The following FGF10 variants were observed in gnomAD, a reference collection of about 807,000 sequenced individuals.
FGF10 encodes FGF-10.
In FGF10, 2 loss-of-function variants were observed where a neutral mutation model predicts 19.8. The observed-to-expected ratio is 0.10, with a 90% confidence interval of 0.04 to 0.32. FGF10 has a LOEUF of 0.32. Among genes scored for constraint, FGF10 ranks in the 10% least tolerant of loss-of-function variants. The pLI, the probability that FGF10 is intolerant of heterozygous loss-of-function variation, is 1.00. For missense variants in FGF10, 191 were observed against 246.3 expected (o/e 0.78, Z 1.50); for synonymous variants, 112 against 94.0 (o/e 1.19, Z -1.10).
chr5:44,362,747 A>G (rs896590790), intron 1 of FGF10, among the ~76,000 whole-genome samples: 2 of 151,328 alleles, frequency 1.3e-5, no homozygotes, highest in Non-Finnish European at 3.0e-5. Flanking sequence ...TATATCCTTT[A>G]CCCTCTGCTA....
intron 1 of FGF10, among the ~76,000 whole-genome samples, chr5:44,339,969 G>T (rs776161388): frequency 6.6e-6 from 1 of 152,034 alleles, no homozygotes; most frequent in Non-Finnish European, 1.5e-5. Flanking sequence ...ACAGGAAAAC[G>T]GTAAGAAATC....
At chr5:44,355,345 A>C (rs1044418772) in intron 1 of FGF10, among the ~76,000 whole-genome samples, 1 of 151,366 alleles carries the variant, frequency 6.6e-6, no homozygotes, top group African/African-American at 2.4e-5. Flanking sequence ...TAGGTTAAAC[A>C]TCTTTGTTGT....
At chr5:44,349,420 CTTTATATA>C (rs1741165889) in intron 1 of FGF10, among the ~76,000 whole-genome samples, 2 of 33,744 alleles carry the variant, frequency 5.9e-5, no homozygotes, top group African/African-American at 2.1e-4. Context: ...AAAGCATTTT[CTTTATATA>C]TATATATATA....
chr5:44,357,991 C>T (rs1015874095), intron 1 of FGF10, among the ~76,000 whole-genome samples: 1 of 151,266 alleles, frequency 6.6e-6, no homozygotes, highest in African/African-American at 2.4e-5. Context: ...AAATCGTGTA[C>T]CCAAGAGGCT....
In FGF10 at chr5:44,307,705, G is replaced by A. The variant is rs1003051717; in HGVS notation, c.430-2513C>T. On this transcript the variant is annotated intron_variant, in intron 2 of 2. Coordinates refer to ENST00000264664, the MANE Select transcript of FGF10 (RefSeq NM_004465.2). Reference sequence around the variant, plus strand: ...AATGAAGGTAGGAATTACAAGAGTTGTCACCTAATATACAGAATTATATTA... The same window carrying A: ...AATGAAGGTAGGAATTACAAGAGTTATCACCTAATATACAGAATTATATTA... Among the ~76,000 whole-genome samples, 79 of 152,144 alleles carry A rather than the reference G, an allele frequency of 5.2e-4. 1 individual carries two copies. Among genetic ancestry groups the A allele is most frequent in the Admixed American group, 4.9e-3 (75 of 15,282 alleles).
intron 1 of FGF10, among the ~76,000 whole-genome samples, chr5:44,325,177 A>G (rs1740581588): frequency 6.6e-6 from 1 of 152,178 alleles, no homozygotes; most frequent in South Asian, 2.1e-4. Flanking sequence ...AATCAAAACC[A>G]CAGTGAGATA....
rs1445246947 is a variant in FGF10, at chr5:44,302,502, G to A, written c.*2493C>T. Among the ~76,000 whole-genome samples the A allele has an allele frequency of 6.6e-6, 1 of 152,090 alleles. No individual in the cohort carries two copies. Among genetic ancestry groups the A allele is most frequent in the Non-Finnish European group, 1.5e-5 (1 of 68,026 alleles). ...GCCTCCTGAGTAGTTGGGACCACAGGTATATGCCACCACGCATGGCTACAT... is the reference window on the plus strand; with the variant it reads ...GCCTCCTGAGTAGTTGGGACCACAGATATATGCCACCACGCATGGCTACAT... On this transcript the variant is annotated 3_prime_UTR_variant, in exon 3 of 3. Coordinates refer to ENST00000264664, the MANE Select transcript of FGF10 (RefSeq NM_004465.2).
At chr5:44,357,148 C>T (rs116672054) in intron 1 of FGF10, among the ~76,000 whole-genome samples, 51 of 151,378 alleles carry the variant, frequency 3.4e-4, no homozygotes, top group African/African-American at 8.5e-4. Flanking sequence ...AATGTAATTT[C>T]GAAACATGAT....
chr5:44,340,837 AAAAAAAG>A (rs1322356649), intron 1 of FGF10, among the ~76,000 whole-genome samples: 4 of 151,792 alleles, frequency 2.6e-5, no homozygotes, highest in Non-Finnish European at 4.4e-5. Context: ...AAAAGAAAAA[AAAAAAAG>A]AAAAAAGAAT....
chr5:44,314,440 T>TA (rs1740287850), intron 1 of FGF10, among the ~76,000 whole-genome samples: 1 of 152,142 alleles, frequency 6.6e-6, no homozygotes, highest in Non-Finnish European at 1.5e-5. Flanking sequence ...TTTAAAATCT[T>TA]AAAAAATAAA....
intron 1 of FGF10, among the ~76,000 whole-genome samples, chr5:44,330,134 T>C (rs1740697315): frequency 6.6e-6 from 1 of 152,216 alleles, no homozygotes; most frequent in Admixed American, 6.5e-5. Context: ...TAGTAGTTTT[T>C]CAACATTTTC....
At chr5:44,362,576 C>T (rs1313751103) in intron 1 of FGF10, among the ~76,000 whole-genome samples, 1 of 151,616 alleles carries the variant, frequency 6.6e-6, no homozygotes, top group East Asian at 2.0e-4. Flanking sequence ...TTCCTTTTGT[C>T]CTCTTATCCC....
intron 1 of FGF10, among the ~76,000 whole-genome samples, chr5:44,369,108 G>A (rs1741687521): frequency 6.6e-6 from 1 of 152,068 alleles, no homozygotes; most frequent in African/African-American, 2.4e-5. Flanking sequence ...ACATAGACAT[G>A]AGCCTATAAT....
intron 1 of FGF10, among the ~76,000 whole-genome samples, chr5:44,358,264 T>C (rs749619991): frequency 1.1e-4 from 16 of 151,480 alleles, no homozygotes; most frequent in Admixed American, 3.3e-4. Context: ...TGGCTTCCAG[T>C]GCCACAATGT....
At chr5:44,346,349 AC>A (rs1046031545) in intron 1 of FGF10, among the ~76,000 whole-genome samples, 23 of 151,872 alleles carry the variant, frequency 1.5e-4, no homozygotes, top group African/African-American at 3.1e-4. Flanking sequence ...ATTAAAAAAA[AC>A]AAATATAAAA....
At chr5:44,346,805 A>T (rs1319815040) in intron 1 of FGF10, among the ~76,000 whole-genome samples, 1 of 151,848 alleles carries the variant, frequency 6.6e-6, no homozygotes, top group Non-Finnish European at 1.5e-5. Flanking sequence ...TTAAAATATG[A>T]CTAATAATAT....
In FGF10 at chr5:44,389,022, A is replaced by C; in HGVS notation, c.-340T>G. The C allele has an allele frequency of 2.4e-6, 1 of 421,386 alleles. No homozygotes were observed. Among genetic ancestry groups the C allele is most frequent in the Non-Finnish European group, 4.4e-6 (1 of 224,984 alleles). The allele number at this position is 421,386 out of a possible 1,614,324, so 26.1% of individuals were successfully genotyped here. ...CAGGAGTTACTTTGTTCTCTTCTTT[A>C]CTCCTTTCTTCACCATGTTAGATGC... On this transcript the variant is annotated 5_prime_UTR_variant, in exon 1 of 3. Transcript: ENST00000264664.
intron 1 of FGF10, among the ~76,000 whole-genome samples, chr5:44,375,016 T>G (rs959756967): frequency 5.3e-5 from 8 of 152,184 alleles, no homozygotes; most frequent in African/African-American, 1.9e-4. Context: ...TAAGAGCTAA[T>G]TTACTTCAAC....
At chr5:44,325,506 C>T (rs956315955) in intron 1 of FGF10, among the ~76,000 whole-genome samples, 3 of 152,142 alleles carry the variant, frequency 2.0e-5, no homozygotes, top group Non-Finnish European at 4.4e-5. Flanking sequence ...CAATGATAGA[C>T]TGGATTAAAA....
Sources: allele counts gnomAD v4.1 joint callset (sites outside exome capture counted in the v4.1 genomes callset), GRCh38; gene constraint gnomAD v4.1.1; transcripts MANE v1.5; gene names NCBI Gene and HGNC (gene_info 2026-07-23, HGNC 2026-07-21).